CDKL5: variants seen among roughly 807,000 people sequenced by gnomAD.
CDKL5 encodes cyclin-dependent kinase-like 5.
In CDKL5, 8 loss-of-function variants were observed where a neutral mutation model predicts 61.7. That is an observed-to-expected ratio of 0.13 (90% CI 0.08 to 0.23). The LOEUF is 0.23. CDKL5 is among the 10% of genes least tolerant of loss of function. The probability of loss-of-function intolerance (pLI) is 1.00; values close to 1 mark genes in which losing one functional copy is unlikely to be tolerated. For synonymous variants in CDKL5, 275 were observed against 272.3 expected (o/e 1.01, Z -0.10); for missense variants, 440 against 734.5 (o/e 0.60, Z 4.63).
chrX:18,653,536 G>A lies in CDKL5; in HGVS notation c.3085G>A (p.Gly1029Ser), dbSNP rs201765217. The A allele has an allele frequency of 1.9e-5, 23 of 1,210,262 alleles. No homozygotes were observed. The highest frequency in any genetic ancestry group is 2.5e-5 in the Non-Finnish European group (22 of 895,287). Residue 1029 changes from glycine to serine, a missense_variant, in exon 22 of 22, where the codon GGC (glycine) becomes AGC (serine). Physicochemically the swap from Gly to Ser is moderately conservative, Grantham distance 56 (BLOSUM62 0). Transcript: ENST00000379989. ...ATACCATGAGAATGCGGCACTGACGGGCAAGTGACTTCTGCAAGCCTGCGG... is the reference window on the plus strand; with the variant it reads ...ATACCATGAGAATGCGGCACTGACGAGCAAGTGACTTCTGCAAGCCTGCGG...
chrX:18,478,286 CTTTT>C (rs199921816), intron 1 of CDKL5, among the ~76,000 whole-genome samples: 2 of 64,916 alleles, frequency 3.1e-5, no homozygotes, highest in African/African-American at 7.3e-5. Context: ...CTTTTCTTTC[CTTTT>C]TTTTTTTTTT....
In CDKL5 at chrX:18,479,510, G is replaced by A. The variant is rs145156570; in HGVS notation, c.-162-27425G>A. ...AATTTTTTGTATTTTTAGTAGAGACGGGGTTTCACTGTGTTAGCCAGGATG... is the reference window on the plus strand; with the variant it reads ...AATTTTTTGTATTTTTAGTAGAGACAGGGTTTCACTGTGTTAGCCAGGATG... On this transcript the variant is annotated intron_variant, in intron 1 of 17. Transcript: ENST00000623535. Among the ~76,000 whole-genome samples, 804 of 108,665 alleles carry A rather than the reference G, an allele frequency of 7.4e-3. 8 individuals are homozygous for A. Among genetic ancestry groups the A allele is most frequent in the African/African-American group, 0.024 (725 of 29,820 alleles). The allele number at this position is 108,665 out of a possible 115,157, so 94.4% of individuals were successfully genotyped here. A position where few individuals can be genotyped will look rare whatever the true frequency, so the allele number is the denominator to read the frequency against.
At chrX:18,646,142 C>T in intron 20 of CDKL5, 1 of 1,207,509 alleles carries the variant, frequency 8.3e-7, no homozygotes, top group African/African-American at 1.7e-5. Context: ...CCCTAGACTA[C>T]TGAATGAAAC....
chrX:18,600,385 T>C (rs991768909), intron 11 of CDKL5, among the ~76,000 whole-genome samples: 3 of 111,924 alleles, frequency 2.7e-5, no homozygotes, highest in Non-Finnish European at 5.6e-5. Flanking sequence ...TGGTTGCTCC[T>C]TTGCATTTAG....
chrX:18,524,741 C>T (rs775784059), intron 3 of CDKL5, among the ~76,000 whole-genome samples: 3 of 111,800 alleles, frequency 2.7e-5, no homozygotes, highest in South Asian at 3.7e-4. Flanking sequence ...TTGCATTTTA[C>T]GTTTAGGTGT....
Position 18,629,041 on chromosome X carries a change from A to G in CDKL5, c.*284A>G, listed in dbSNP as rs1927161757. ...CATTGAGGAAGAAGAAATTCTTGCC[A>G]GTTTCTCCCCTTTACATTCCAGCTT... On this transcript the variant is annotated 3_prime_UTR_variant, in exon 18 of 18. Coordinates refer to ENST00000623535, the MANE Select transcript of CDKL5 (RefSeq NM_001323289.2). The G allele has an allele frequency of 4.5e-6, 4 of 892,253 alleles. No individual in the cohort carries two copies. The South Asian group carries it at 1.9e-4, about 42-fold the overall frequency. The allele number at this position is 892,253 out of a possible 1,213,427, so 73.5% of individuals were successfully genotyped here. A position where few individuals can be genotyped will look rare whatever the true frequency, so the allele number is the denominator to read the frequency against.
At chrX:18,570,029 G>A (rs1467136356) in intron 4 of CDKL5, among the ~76,000 whole-genome samples, 3 of 111,445 alleles carry the variant, frequency 2.7e-5, no homozygotes, top group Non-Finnish European at 5.6e-5. Flanking sequence ...CATCTGTTCT[G>A]TCTTCTAATT....
Position 18,518,385 on chromosome X carries a change from CTTATTTTT to C in CDKL5, c.99+7534_99+7541del, listed in dbSNP as rs1923109335. On this transcript the variant is annotated intron_variant, in intron 3 of 17. Transcript: ENST00000623535. ...ATAAAGTCATGTTTTCTTTTCTTTT[CTTATTTTT>C]TTTTTTTTTTTTTTTTTTTTTTTTT... is the stretch of plus-strand genomic sequence containing the variant. Among the ~76,000 whole-genome samples the C allele has an allele frequency of 3.1e-4, 7 of 22,790 alleles. 1 individual carries two copies. The highest frequency in any genetic ancestry group is 9.1e-4 in the African/African-American group (6 of 6,586). The allele number at this position is 22,790 out of a possible 115,157, so 19.8% of individuals were successfully genotyped here.
intron 9 of CDKL5, chrX:18,588,586 C>T (rs919411389): frequency 7.5e-6 from 1 of 134,205 alleles, no homozygotes. Flanking sequence ...GGTCCACTGA[C>T]GGTGAAACAT....
At chrX:18,598,734 T>G (rs1307247123) in intron 11 of CDKL5, 121 bp downstream of exon 11, 2 of 680,849 alleles carry the variant, frequency 2.9e-6, no homozygotes, top group African/African-American at 4.3e-5. Context: ...TTCAAAAATA[T>G]CTTCCTTATG....
intron 1 of CDKL5, among the ~76,000 whole-genome samples, chrX:18,476,791 G>A (rs1921329896): frequency 9.1e-6 from 1 of 110,199 alleles, no homozygotes; most frequent in African/African-American, 3.3e-5. Context: ...TTTTTGAGAC[G>A]GAGTCTCGCT....
intron 1 of CDKL5, among the ~76,000 whole-genome samples, chrX:18,467,415 C>T (rs1046515303): frequency 1.8e-5 from 2 of 111,704 alleles, no homozygotes; most frequent in African/African-American, 6.5e-5. Flanking sequence ...TCTTTCTAGC[C>T]TGCTGCCACT....
intron 2 of CDKL5, among the ~76,000 whole-genome samples, chrX:18,509,195 A>ACGCACACG (rs1555940166): frequency 6.2e-5 from 4 of 64,689 alleles, no homozygotes; most frequent in African/African-American, 2.6e-4. Context: ...GTCTCAAAAC[A>ACGCACACG]CGCACACACA....
intron 3 of CDKL5, 23 bp downstream of exon 3, chrX:18,510,877 G>T (rs757081261): frequency 1.9e-6 from 2 of 1,080,703 alleles, no homozygotes; most frequent in South Asian, 3.7e-5. Flanking sequence ...TTTTTAAAAA[G>T]AAATATCTGT....
rs1926270928 is a variant in CDKL5 at position 18,604,196 on chromosome X, G to A, written c.1272G>A (p.Lys424=). Residue 424 remains lysine (K), a synonymous_variant, in exon 12 of 18, where the codon AAG becomes AAA. Transcript: ENST00000623535. ...KTEFDFNIDP[K]PSEGPGTKYL... ...AGTTTGATTTTAATATTGACCCAAA[G>A]CCTTCAGAAGGCCCAGGGACAAAGT... The A allele has an allele frequency of 6.6e-6, 8 of 1,209,410 alleles. No individual in the cohort carries two copies. Among genetic ancestry groups the A allele is most frequent in the Non-Finnish European group, 6.7e-6 (6 of 894,759 alleles).
intron 3 of CDKL5, among the ~76,000 whole-genome samples, chrX:18,519,997 C>G: frequency 9.0e-6 from 1 of 111,520 alleles, no homozygotes; most frequent in Admixed American, 9.5e-5. Context: ...AACTGGTGCT[C>G]GAATAGGTTA....
intron 3 of CDKL5, among the ~76,000 whole-genome samples, chrX:18,531,861 C>T (rs978198631): frequency 2.8e-5 from 3 of 107,330 alleles, no homozygotes; most frequent in Non-Finnish European, 3.8e-5. Flanking sequence ...CGCCTGCCAC[C>T]GCGCCCGGCT....
At chrX:18,555,737 T>G (rs146744575) in intron 3 of CDKL5, among the ~76,000 whole-genome samples, 82 of 112,425 alleles carry the variant, frequency 7.3e-4, no homozygotes, top group Non-Finnish European at 1.2e-3. Context: ...GGTTGTAGAC[T>G]TCTATGTATA....
Position 18,630,624 on chromosome X carries a change from A to G in CDKL5, c.*1867A>G. The G allele has an allele frequency of 8.6e-5, 63 of 731,768 alleles. No individual in the cohort carries two copies. Among genetic ancestry groups the G allele is most frequent in the Non-Finnish European group, 1.0e-4 (62 of 619,403 alleles). 60.3% of individuals were successfully genotyped at this position (731,768 alleles called of 1,213,427 possible). A position where few individuals can be genotyped will look rare whatever the true frequency, so the allele number is the denominator to read the frequency against. ...AATTGTGCACATATTGCATTTTTAT[A>G]TAAATACTATAATGTGTATTGATTA... On this transcript the variant is annotated 3_prime_UTR_variant, in exon 18 of 18. Transcript: ENST00000623535.
Sources: gnomAD v4.1 joint callset for allele counts (sites outside exome capture counted in the v4.1 genomes callset) on GRCh38, gnomAD v4.1.1 for gene constraint, MANE v1.5 for transcripts, NCBI Gene and HGNC (gene_info 2026-07-23, HGNC 2026-07-21) for gene names.